Variants in DNA2 observed in about 807,000 individuals in gnomAD.
DNA2 encodes DNA replication helicase/nuclease 2.
Under a neutral mutation model 119.1 loss-of-function variants are expected in DNA2, and 101 were observed. That is an observed-to-expected ratio of 0.85 (90% CI 0.72 to 1.00). DNA2 has a LOEUF of 1.00. Ranked by LOEUF, DNA2 falls within the 50% of genes least tolerant of loss-of-function variation. DNA2 has a pLI of 0.00. For synonymous variants in DNA2, 366 were observed against 424.4 expected, an observed-to-expected ratio of 0.86 and a Z score of 1.69; for missense variants, 1,121 against 1,255.5, an observed-to-expected ratio of 0.89 and a Z score of 1.62.
Position 68,470,180 on chromosome 10 carries a change from C to CAA in DNA2, c.75-19_75-18dup. On this transcript the variant is annotated splice_polypyrimidine_tract_variant and intron_variant, in intron 1 of 20. Transcript: ENST00000358410. ...TTCTGAAATCTAAAGCACACACATA[C>CAA]AAAACTATTTTAGCACAACCATGAA... is the stretch of plus-strand genomic sequence containing the variant. The CAA allele has an allele frequency of 6.4e-7, 1 of 1,570,948 alleles. No individual in the cohort carries two copies. Among genetic ancestry groups the CAA allele is most frequent in the Non-Finnish European group, 8.6e-7 (1 of 1,165,458 alleles).
At chr10:68,424,868 G>T (rs1268251740) in intron 14 of DNA2, 1 of 767,280 alleles carries the variant, frequency 1.3e-6, no homozygotes, top group Admixed American at 1.8e-5. Flanking sequence ...ACCCAAACAA[G>T]GTGGTTATCA....
intron 20 of DNA2, among the ~76,000 whole-genome samples, chr10:68,415,340 G>A (rs1242181188): frequency 6.7e-6 from 1 of 150,116 alleles, no homozygotes; most frequent in Admixed American, 6.7e-5. Flanking sequence ...GCAATGGTGC[G>A]ATCTCAGCTC....
At chr10:68,459,358 C>T in intron 4 of DNA2, 123 bp from the exon 5 acceptor site, 1 of 994,710 alleles carries the variant, frequency 1.0e-6, no homozygotes, top group East Asian at 2.7e-5. Context: ...ATATAAGCAA[C>T]CCAACTGTTC....
At position 68,447,377 on chromosome 10, in the gene DNA2, G is replaced by A. The variant is rs139230633; in HGVS notation, c.940-964C>T. Among the ~76,000 whole-genome samples the A allele has an allele frequency of 1.2e-3, 177 of 151,800 alleles. 1 individual carries two copies. The highest frequency in any genetic ancestry group is 4.1e-3 in the African/African-American group (169 of 41,358). ...TACTAAAAATACAAAAATTAGCCGG[G>A]TGTGATGGCACATGCTTGTAATCCA... On this transcript the variant is annotated intron_variant, in intron 6 of 20. Transcript: ENST00000358410.
Position 68,437,256 on chromosome 10 carries a change from A to G in DNA2, c.1416-15T>C. 1 of 1,577,306 alleles carries G rather than the reference A, an allele frequency of 6.3e-7. No individual in the cohort carries two copies. The highest frequency in any genetic ancestry group is 1.2e-5 in the South Asian group (1 of 86,936). Reference sequence around the variant, plus strand: ...CACTCTTCTCCCTATGAAAAGACCAAAGAGAAAAAAACTTCTGTTTATATT... The same window carrying G: ...CACTCTTCTCCCTATGAAAAGACCAGAGAGAAAAAAACTTCTGTTTATATT... On this transcript the variant is annotated splice_polypyrimidine_tract_variant and intron_variant, in intron 9 of 20. Coordinates refer to ENST00000358410, the MANE Select transcript of DNA2 (RefSeq NM_001080449.3).
At chr10:68,471,543 G>C (rs1182364382) in intron 1 of DNA2, among the ~76,000 whole-genome samples, 1 of 152,160 alleles carries the variant, frequency 6.6e-6, no homozygotes, top group Non-Finnish European at 1.5e-5. Context: ...AACTTAGGGA[G>C]AGAGGTGAAA....
chr10:68,437,518 T>C (rs770156002), intron 9 of DNA2, among the ~76,000 whole-genome samples: 7 of 151,398 alleles, frequency 4.6e-5, no homozygotes, highest in Non-Finnish European at 1.0e-4. Flanking sequence ...GGTGTGGTGG[T>C]GCTCGCCCGT....
rs202186844 is a variant in DNA2 at position 68,430,533 on chromosome 10, T to G, written c.2111A>C (p.Lys704Thr). ...AAATTGCTGGATAGCTGGATGAACCTTCTGAATCTGACCCAAACGCAAAAA... is the reference window on the plus strand; with the variant it reads ...AAATTGCTGGATAGCTGGATGAACCGTCTGAATCTGACCCAAACGCAAAAA... ...IGFLRLGQIQ[K>T]VHPAIQQFTE... The change falls in exon 14 of 21, where the codon AAG becomes ACG. Residue 704 changes from lysine (K) to threonine (T), a missense_variant. Coordinates refer to ENST00000358410, the MANE Select transcript of DNA2 (RefSeq NM_001080449.3). 37 of 1,611,798 alleles carry G rather than the reference T, an allele frequency of 2.3e-5. No individual in the cohort carries two copies. The highest frequency in any genetic ancestry group is 3.1e-5 in the Non-Finnish European group (36 of 1,178,900).
In DNA2 at chr10:68,470,064, T is replaced by C. The variant is rs2052367822; in HGVS notation, c.174A>G (p.Lys58=). The change falls in exon 2 of 21, where the codon AAA becomes AAG. Residue 58 remains lysine (K), a synonymous_variant. Transcript: ENST00000358410. ...LVLAVNTVQN[K]EGNCEKRLVI... ...CCAGGCGCTTTTCACAGTTTCCCTC[T>C]TTGTTCTGTACAGTATTGACTGCCA... 1 of 1,613,810 alleles carries C rather than the reference T, an allele frequency of 6.2e-7. No homozygotes were observed. The highest frequency in any genetic ancestry group is 1.7e-5 in the Admixed American group (1 of 59,962).
At chr10:68,452,567 T>TTTATTATTA (rs143027263) in intron 5 of DNA2, among the ~76,000 whole-genome samples, 3 of 145,818 alleles carry the variant, frequency 2.1e-5, no homozygotes, top group Non-Finnish European at 4.4e-5. Flanking sequence ...GCAATGTGGC[T>TTTATTATTA]TTATTATTAT....
At chr10:68,468,885 A>G (rs1476246565) in intron 2 of DNA2, among the ~76,000 whole-genome samples, 2 of 152,092 alleles carry the variant, frequency 1.3e-5, no homozygotes, top group Non-Finnish European at 2.9e-5. Flanking sequence ...CCCCGTCTCT[A>G]CTAAAAATAC....
At chr10:68,466,129 T>C (rs2052324256) in intron 3 of DNA2, among the ~76,000 whole-genome samples, 1 of 152,038 alleles carries the variant, frequency 6.6e-6, no homozygotes, top group African/African-American at 2.4e-5. Context: ...CAAATGATTC[T>C]CATGCCTCAA....
chr10:68,472,189 G>A (rs550074722), upstream of DNA2: 34 of 1,272,084 alleles, frequency 2.7e-5, no homozygotes, highest in African/African-American at 4.8e-4. Context: ...AAACCTCCCG[G>A]GTTCACACCA....
At chr10:68,419,313 G>T in intron 18 of DNA2, 100 bp from the exon 19 acceptor site, 1 of 924,244 alleles carries the variant, frequency 1.1e-6, no homozygotes, top group Non-Finnish European at 1.5e-6. Context: ...CCCAACTGAT[G>T]TTTATAACAA....
chr10:68,425,045 T>C (rs1215205066), intron 14 of DNA2: 33 of 441,262 alleles, frequency 7.5e-5, no homozygotes, highest in East Asian at 1.0e-4. Context: ...TTTAGGCTAG[T>C]GTGTGTTTCT....
intron 1 of DNA2, 72 bp from the exon 2 acceptor site, chr10:68,470,235 C>A (rs940337898): frequency 2.1e-5 from 27 of 1,304,760 alleles, no homozygotes; most frequent in Non-Finnish European, 2.7e-5. Context: ...GTTTTATCTA[C>A]AAACCAATCT....
chr10:68,455,616 T>C (rs1053323199), intron 5 of DNA2, among the ~76,000 whole-genome samples: 23 of 151,208 alleles, frequency 1.5e-4, no homozygotes, highest in African/African-American at 5.4e-4. Context: ...AGGTCAGGAG[T>C]TCGAGACCAG....
At chr10:68,456,893 G>A (rs1476115277) in intron 5 of DNA2, among the ~76,000 whole-genome samples, 2 of 150,970 alleles carry the variant, frequency 1.3e-5, no homozygotes, top group Non-Finnish European at 2.9e-5. Context: ...CCAGCACTTT[G>A]GGAGGCCAAG....
chr10:68,459,258 T>G (rs1263277834), intron 4 of DNA2, 23 bp from the exon 5 acceptor site: 2 of 1,510,456 alleles, frequency 1.3e-6, no homozygotes, highest in African/African-American at 2.8e-5. Context: ...TAATAGTAAA[T>G]AGACTTAGAC....
Sources: allele counts gnomAD v4.1 joint callset (sites outside exome capture counted in the v4.1 genomes callset), GRCh38; gene constraint gnomAD v4.1.1; transcripts MANE v1.5; gene names NCBI Gene and HGNC (gene_info 2026-07-23, HGNC 2026-07-21).